SLC5A4: variants seen among roughly 807,000 people sequenced by gnomAD.
The protein encoded by SLC5A4 is probable glucose sensor protein SLC5A4.
Under a neutral mutation model 70.3 loss-of-function variants are expected in SLC5A4, and 55 were observed. That is an observed-to-expected ratio of 0.78 (90% CI 0.63 to 0.98). SLC5A4 has a LOEUF of 0.98. Among genes scored for constraint, SLC5A4 ranks in the 50% least tolerant of loss-of-function variants. The pLI, the probability that SLC5A4 is intolerant of heterozygous loss-of-function variation, is 0.00. For missense variants in SLC5A4, 735 were observed against 839.2 expected (o/e 0.88, Z 1.53); for synonymous variants, 268 against 305.7 (o/e 0.88, Z 1.29).
the SLC5A4 span, among the ~76,000 whole-genome samples, chr22:32,307,967 A>T: frequency 7.4e-6 from 1 of 135,776 alleles, no homozygotes; most frequent in Non-Finnish European, 1.7e-5. Flanking sequence ...ACGGCAGACA[A>T]AATCAACCCA....
At chr22:32,339,510 G>A in the SLC5A4 span, among the ~76,000 whole-genome samples, 1 of 152,174 alleles carries the variant, frequency 6.6e-6, no homozygotes, top group Non-Finnish European at 1.5e-5. Context: ...GTACAGCTAG[G>A]AGGTGTTCGA....
the SLC5A4 span, among the ~76,000 whole-genome samples, chr22:32,277,597 C>G: frequency 2.0e-5 from 3 of 152,020 alleles, no homozygotes; most frequent in African/African-American, 7.2e-5. Context: ...GCCCAGGCTG[C>G]AGTGCAGTGG....
At chr22:32,248,383 G>T (rs1926953376) in intron 4 of SLC5A4, among the ~76,000 whole-genome samples, 1 of 152,094 alleles carries the variant, frequency 6.6e-6, no homozygotes, top group Admixed American at 6.5e-5. Context: ...AGTTCTCCCA[G>T]ATAGGGTCAA....
At chr22:32,328,846 T>C in the SLC5A4 span, among the ~76,000 whole-genome samples, 1 of 152,216 alleles carries the variant, frequency 6.6e-6, no homozygotes, top group African/African-American at 2.4e-5. Context: ...TTGGAGATTG[T>C]GCATCTGGAC....
intron 8 of SLC5A4, 131 bp from the exon 9 acceptor site, chr22:32,233,165 C>T (rs1882589071): frequency 2.2e-6 from 2 of 918,108 alleles, no homozygotes; most frequent in Non-Finnish European, 3.2e-6. Flanking sequence ...GCTATCTGCA[C>T]TCCTGTGTTC....
chr22:32,234,568 G>C (rs763370522), intron 8 of SLC5A4, among the ~76,000 whole-genome samples: 5 of 152,072 alleles, frequency 3.3e-5, no homozygotes, highest in Non-Finnish European at 5.9e-5. Flanking sequence ...GCGTGGTGGT[G>C]CACATCTGTA....
chr22:32,235,924 G>C (rs1926030826), intron 7 of SLC5A4, among the ~76,000 whole-genome samples: 1 of 152,198 alleles, frequency 6.6e-6, no homozygotes, highest in African/African-American at 2.4e-5. Flanking sequence ...TAGCCGAGTG[G>C]AGGATACAGA....
intron 5 of SLC5A4, among the ~76,000 whole-genome samples, 181 bp from the exon 6 acceptor site, chr22:32,239,271 T>G (rs950806653): frequency 9.2e-5 from 14 of 151,634 alleles, no homozygotes; most frequent in Middle Eastern, 3.4e-3. Flanking sequence ...CGATTTTTAC[T>G]CTCTTCACTC....
chr22:32,330,549 G>C, the SLC5A4 span, among the ~76,000 whole-genome samples: 11 of 134,102 alleles, frequency 8.2e-5, no homozygotes, highest in South Asian at 2.9e-3. Flanking sequence ...GCTCTGGTGT[G>C]TATGTTTTGG....
chr22:32,302,433 A>G, the SLC5A4 span, among the ~76,000 whole-genome samples: 2 of 152,194 alleles, frequency 1.3e-5, no homozygotes, highest in Non-Finnish European at 1.5e-5. Context: ...CCAAAGTTTT[A>G]TAGTTTTACA....
chr22:32,346,643 C>A, the SLC5A4 span, among the ~76,000 whole-genome samples: 3 of 134,480 alleles, frequency 2.2e-5, no homozygotes, highest in South Asian at 5.1e-4. Context: ...GGAAAACTGG[C>A]TAGCCATATG....
At chr22:32,221,433 T>C (rs1925075889) in intron 13 of SLC5A4, among the ~76,000 whole-genome samples, 1 of 152,190 alleles carries the variant, frequency 6.6e-6, no homozygotes, top group African/African-American at 2.4e-5. Flanking sequence ...TCTTCTTAAA[T>C]TCTATTTCTG....
rs1475477566 is a variant in SLC5A4, at chr22:32,255,180, T to G, written c.135+15A>C. Reference sequence around the variant, plus strand: ...ACCTTGTGCCCACCCTAAAAGCCACTGGGATTCCACCTACCCACAGCCCAA... The same window carrying G: ...ACCTTGTGCCCACCCTAAAAGCCACGGGGATTCCACCTACCCACAGCCCAA... On this transcript the variant is annotated intron_variant, in intron 1 of 14. Transcript: ENST00000266086. 1.2e-6 allele frequency: 2 copies of G among 1,612,368 alleles called. No homozygotes were observed. Among genetic ancestry groups the G allele is most frequent in the South Asian group, 2.2e-5 (2 of 90,934 alleles).
chr22:32,248,687 G>T, intron 4 of SLC5A4, 56 bp downstream of exon 4: 2 of 1,140,982 alleles, frequency 1.8e-6, no homozygotes, highest in Non-Finnish European at 2.7e-6. Flanking sequence ...GATCTTCTGT[G>T]CAGTGAGCAG....
At chr22:32,302,566 T>G in the SLC5A4 span, among the ~76,000 whole-genome samples, 1 of 152,204 alleles carries the variant, frequency 6.6e-6, no homozygotes, top group Non-Finnish European at 1.5e-5. Context: ...CCAGCACCAT[T>G]TGTTGGAAAG....
chr22:32,310,075 G>T, the SLC5A4 span, among the ~76,000 whole-genome samples: 2 of 144,332 alleles, frequency 1.4e-5, no homozygotes, highest in African/African-American at 5.1e-5. Flanking sequence ...GAGGGAGGAC[G>T]GGGGATGGGG....
At chr22:32,255,050 G>A (rs1392159994) in intron 1 of SLC5A4, 145 bp downstream of exon 1, 6 of 795,108 alleles carry the variant, frequency 7.5e-6, no homozygotes, top group South Asian at 3.3e-5. Flanking sequence ...CATTGTAAGC[G>A]TTATTTATGC....
chr22:32,348,917 A>AT, the SLC5A4 span, among the ~76,000 whole-genome samples: 1 of 152,208 alleles, frequency 6.6e-6, no homozygotes, highest in Non-Finnish European at 1.5e-5. Context: ...ACTTGCTTAA[A>AT]TTTTATTTTC....
chr22:32,324,387 A>G, the SLC5A4 span, among the ~76,000 whole-genome samples: 2 of 151,968 alleles, frequency 1.3e-5, no homozygotes, highest in Admixed American at 1.3e-4. Flanking sequence ...TAGAGGGTAA[A>G]ATTTTGATGT....
Sources: allele counts gnomAD v4.1 joint callset (sites outside exome capture counted in the v4.1 genomes callset), GRCh38; gene constraint gnomAD v4.1.1; transcripts MANE v1.5; gene names NCBI Gene and HGNC (gene_info 2026-07-23, HGNC 2026-07-21).